Variants in PPFIA1 observed in about 807,000 individuals in gnomAD.
The protein encoded by PPFIA1 is PPFI scaffold protein A1.
PPFIA1 carries 25 observed loss-of-function variants against 149.9 expected under a neutral mutation model. The ratio of observed to expected loss-of-function variants is 0.17; its 90% CI spans 0.12 to 0.23. PPFIA1 has a LOEUF of 0.23. Among genes scored for constraint, PPFIA1 ranks in the 10% least tolerant of loss-of-function variants. The pLI is 1.00. For missense variants in PPFIA1, 1,362 were observed against 1,506.5 expected, an observed-to-expected ratio of 0.90 and a Z score of 1.59; for synonymous variants, 549 against 552.8, an observed-to-expected ratio of 0.99 and a Z score of 0.10.
intron 2 of PPFIA1, among the ~76,000 whole-genome samples, chr11:70,283,086 C>T (rs1379084335): frequency 6.9e-6 from 1 of 144,168 alleles, no homozygotes; most frequent in Non-Finnish European, 1.5e-5. Flanking sequence ...GTGATCTGCC[C>T]GCCTCAGCCT....
chr11:70,349,867 C>G (rs2055944480), intron 16 of PPFIA1: 1 of 454,904 alleles, frequency 2.2e-6, no homozygotes, highest in South Asian at 1.6e-5. Flanking sequence ...CTGACAGTCT[C>G]TATGCTTCCG....
intron 19 of PPFIA1, chr11:70,358,597 T>C (rs1357503443): frequency 6.6e-6 from 1 of 152,230 alleles, no homozygotes; most frequent in African/African-American, 2.4e-5. Context: ...CAGTTTAATA[T>C]TTATGCCATC....
chr11:70,309,255 C>G (rs888459518), intron 2 of PPFIA1, among the ~76,000 whole-genome samples: 5 of 152,100 alleles, frequency 3.3e-5, no homozygotes, highest in Admixed American at 6.5e-5. Flanking sequence ...CCGCAACCTC[C>G]GCCTCTCGGG....
chr11:70,302,600 G>A lies in PPFIA1; in HGVS notation c.265-21802G>A, dbSNP rs781018086. ...TTTTCTGGTAGGCAATGTCATGCTT[G>A]TTAAGAAAACTGCATGAGACAGAAT... On this transcript the variant is annotated intron_variant, in intron 2 of 27. Transcript: ENST00000253925. Among the ~76,000 whole-genome samples the A allele has an allele frequency of 3.9e-5, 6 of 152,246 alleles. No individual in the cohort carries two copies. In the South Asian group the frequency reaches 6.2e-4, roughly 16 times the overall value.
At chr11:70,367,305 C>T (rs2056990998) in intron 21 of PPFIA1, among the ~76,000 whole-genome samples, 1 of 152,216 alleles carries the variant, frequency 6.6e-6, no homozygotes, top group Non-Finnish European at 1.5e-5. Flanking sequence ...GTGGCCAGCT[C>T]TTAAACCAGG....
At chr11:70,345,897 G>A (rs764112704) in intron 15 of PPFIA1, 20 of 341,648 alleles carry the variant, frequency 5.9e-5, no homozygotes, top group African/African-American at 3.0e-4. Context: ...TTCAGGTCCC[G>A]TCACACAGTG....
In PPFIA1 at chr11:70,384,338, A is replaced by G. The variant is rs1403397375; in HGVS notation, c.*1348A>G. 1 of 152,648 alleles carries G rather than the reference A, an allele frequency of 6.6e-6. No homozygotes were observed. Among genetic ancestry groups the G allele is most frequent in the East Asian group, 1.9e-4 (1 of 5,206 alleles). The allele number at this position is 152,648 out of a possible 1,614,324, so 9.5% of individuals were successfully genotyped here. ...TACAGTCTACTTTTGAACTATTTTT[A>G]TCACAGTATTATTTATTGCTTTCTT... On this transcript the variant is annotated 3_prime_UTR_variant, in exon 28 of 28. Coordinates refer to ENST00000253925, the MANE Select transcript of PPFIA1 (RefSeq NM_003626.5).
At chr11:70,316,342 G>C (rs1487360546) in intron 2 of PPFIA1, among the ~76,000 whole-genome samples, 1 of 152,198 alleles carries the variant, frequency 6.6e-6, no homozygotes, top group Non-Finnish European at 1.5e-5. Context: ...AATGTGCTGG[G>C]ATTACAGGCA....
intron 2 of PPFIA1, among the ~76,000 whole-genome samples, chr11:70,306,179 A>T (rs1376878201): frequency 6.6e-6 from 1 of 152,148 alleles, no homozygotes; most frequent in Admixed American, 6.5e-5. Flanking sequence ...TTGCGAAGCA[A>T]TCTTAATCGT....
intron 21 of PPFIA1, among the ~76,000 whole-genome samples, chr11:70,368,763 T>C (rs928969648): frequency 3.9e-5 from 6 of 152,232 alleles, no homozygotes; most frequent in African/African-American, 1.4e-4. Context: ...ATTTTGTAGA[T>C]TCCTTTTCTA....
At chr11:70,287,295 C>G (rs893800474) in intron 2 of PPFIA1, among the ~76,000 whole-genome samples, 4 of 152,164 alleles carry the variant, frequency 2.6e-5, no homozygotes, top group Non-Finnish European at 4.4e-5. Flanking sequence ...GATAGTTCCT[C>G]ACTTGCAGAC....
chr11:70,285,705 A>T (rs1032023663), intron 2 of PPFIA1, among the ~76,000 whole-genome samples: 4 of 151,510 alleles, frequency 2.6e-5, no homozygotes, highest in Non-Finnish European at 5.9e-5. Flanking sequence ...ACCTCTTAAC[A>T]TCACCCATCA....
intron 2 of PPFIA1, among the ~76,000 whole-genome samples, chr11:70,314,174 AG>A (rs942820895): frequency 3.3e-4 from 50 of 152,198 alleles, no homozygotes; most frequent in Non-Finnish European, 2.5e-4. Flanking sequence ...ATAGACAGAC[AG>A]GAAACAGGGT....
At chr11:70,339,081 C>T (rs2055150635) in intron 13 of PPFIA1, 90 bp from the exon 14 acceptor site, 3 of 1,503,152 alleles carry the variant, frequency 2.0e-6, no homozygotes, top group Non-Finnish European at 2.7e-6. Flanking sequence ...TGTGGAATAA[C>T]TTTTCCAAAT....
intron 16 of PPFIA1, chr11:70,350,939 CAA>C: frequency 9.3e-7 from 1 of 1,080,492 alleles, no homozygotes; most frequent in Non-Finnish European, 1.2e-6. Flanking sequence ...TTTTTAACTT[CAA>C]AGTGTATATA....
At chr11:70,327,879 C>T (rs1209185219) in intron 7 of PPFIA1, among the ~76,000 whole-genome samples, 1 of 152,174 alleles carries the variant, frequency 6.6e-6, no homozygotes, top group Non-Finnish European at 1.5e-5. Context: ...CCTTGTCAGG[C>T]GCCTCAACCG....
At chr11:70,301,372 C>G (rs1336460895) in intron 2 of PPFIA1, among the ~76,000 whole-genome samples, 9 of 152,190 alleles carry the variant, frequency 5.9e-5, no homozygotes, top group Non-Finnish European at 1.0e-4. Context: ...ACCATGGTAT[C>G]TTCCCCTGAA....
intron 2 of PPFIA1, among the ~76,000 whole-genome samples, chr11:70,319,738 G>C (rs1037233030): frequency 6.6e-6 from 1 of 152,124 alleles, no homozygotes; most frequent in African/African-American, 2.4e-5. Flanking sequence ...GTTGTTCTCT[G>C]AATGGCTGCC....
chr11:70,338,653 CAGG>C (rs1158789778), intron 13 of PPFIA1, among the ~76,000 whole-genome samples, 200 bp downstream of exon 13: 3 of 152,344 alleles, frequency 2.0e-5, no homozygotes, highest in South Asian at 2.1e-4. Flanking sequence ...CTCCAAAACA[CAGG>C]AGGAGTTTTG....
Sources: allele counts gnomAD v4.1 joint callset (sites outside exome capture counted in the v4.1 genomes callset), GRCh38; gene constraint gnomAD v4.1.1; transcripts MANE v1.5; gene names NCBI Gene and HGNC (gene_info 2026-07-23, HGNC 2026-07-21).